Variants in DENND4C observed in about 807,000 individuals in gnomAD.
DENND4C encodes DENN domain containing 4C.
Under a neutral mutation model 203.0 loss-of-function variants are expected in DENND4C, and 108 were observed. The ratio of observed to expected loss-of-function variants is 0.53; its 90% CI spans 0.46 to 0.62. The LOEUF (loss-of-function observed/expected upper bound fraction) is 0.62, where lower values mean the gene tolerates loss of function less well. Among genes scored for constraint, DENND4C ranks in the 20% least tolerant of loss-of-function variants. The probability of loss-of-function intolerance (pLI) is 0.00; values close to 1 mark genes in which losing one functional copy is unlikely to be tolerated. For synonymous variants in DENND4C, 871 were observed against 792.4 expected (o/e 1.10, Z -1.67); for missense variants, 2,481 against 2,301.2 (o/e 1.08, Z -1.60).
At chr9:19,311,004 C>T (rs544737830) in intron 10 of DENND4C, among the ~76,000 whole-genome samples, 33 of 152,158 alleles carry the variant, frequency 2.2e-4, no homozygotes, top group African/African-American at 4.1e-4. Flanking sequence ...TTTTTAGTTG[C>T]GGACCATACT....
At position 19,269,686 on chromosome 9, in the gene DENND4C, T is replaced by C. The variant is rs886373038; in HGVS notation, c.-17-6472T>C. 1.4e-4 allele frequency among the ~76,000 whole-genome samples: 22 copies of C among 152,338 alleles called. 2 individuals carry two copies. The highest frequency in any genetic ancestry group is 4.6e-4 in the Admixed American group (7 of 15,298). On this transcript the variant is annotated intron_variant, in intron 1 of 32. Transcript: ENST00000434457. ...TATCTTGAATTTCATTGAGCTTCTT[T>C]AAAACAGCTATTTTGACTTTGTCTG...
chr9:19,300,635 G>C (rs1838367529), intron 9 of DENND4C, among the ~76,000 whole-genome samples: 1 of 152,202 alleles, frequency 6.6e-6, no homozygotes. Context: ...GAAGCTGGTT[G>C]TATTGAGAGG....
chr9:19,299,935 C>G (rs1838214147), intron 8 of DENND4C, among the ~76,000 whole-genome samples: 1 of 152,218 alleles, frequency 6.6e-6, no homozygotes, highest in African/African-American at 2.4e-5. Context: ...CCATCCTTGT[C>G]TCCATTCTTC....
Position 19,361,899 on chromosome 9 carries a change from A to G in DENND4C, c.5460A>G (p.Leu1820=). Reference sequence around the variant, plus strand: ...GCAAACTTGTGTATATTCAGCTGTTATGGGATAATATCAACCTTCATCAGG... The same window carrying G: ...GCAAACTTGTGTATATTCAGCTGTTGTGGGATAATATCAACCTTCATCAGG... ...QDSKLVYIQL[L]WDNINLHQEP... Residue 1820 remains leucine, a synonymous_variant, in exon 30 of 33, where the codon TTA becomes TTG. Transcript: ENST00000434457. 6.2e-7 allele frequency: 1 copy of G among 1,613,034 alleles called. No homozygotes were observed. Among genetic ancestry groups the G allele is most frequent in the Non-Finnish European group, 8.5e-7 (1 of 1,179,064 alleles).
intron 15 of DENND4C, 111 bp from the exon 16 acceptor site, chr9:19,327,919 A>G (rs1818164614): frequency 9.7e-7 from 1 of 1,028,650 alleles, no homozygotes; most frequent in Non-Finnish European, 1.4e-6. Context: ...ATAAGCATTT[A>G]AAATAATGTT....
intron 31 of DENND4C, 119 bp downstream of exon 31, chr9:19,370,106 T>C: frequency 2.5e-6 from 3 of 1,213,890 alleles, no homozygotes; most frequent in Non-Finnish European, 3.6e-6. Flanking sequence ...GCAAAACATC[T>C]ATTGTTTTAA....
upstream of DENND4C, chr9:19,230,649 G>A (rs893763437): frequency 6.6e-6 from 1 of 152,184 alleles, no homozygotes; most frequent in Non-Finnish European, 1.5e-5. Context: ...CCTGGCTGTA[G>A]GCGGCGCCCC....
chr9:19,332,568 T>G (rs1409064953), intron 17 of DENND4C, among the ~76,000 whole-genome samples: 1 of 150,254 alleles, frequency 6.7e-6, no homozygotes, highest in African/African-American at 2.5e-5. Flanking sequence ...TCTCACCGTG[T>G]TGGCCAGGCT....
rs147070937 is a variant in DENND4C at position 19,297,546 on chromosome 9, C to G, written c.1041-510C>G. Reference sequence around the variant, plus strand: ...TTGTGATAAAATCAATGTATATAATCAATATTTTTTTCAGTTGAAGTAATA... The same window carrying G: ...TTGTGATAAAATCAATGTATATAATGAATATTTTTTTCAGTTGAAGTAATA... On this transcript the variant is annotated intron_variant, in intron 6 of 32. Transcript: ENST00000434457. Among the ~76,000 whole-genome samples, 147 of 152,166 alleles carry G rather than the reference C, an allele frequency of 9.7e-4. 1 individual carries two copies. Among genetic ancestry groups the G allele is most frequent in the African/African-American group, 3.3e-3 (135 of 41,530 alleles).
At chr9:19,278,080 T>C (rs980175259) in intron 2 of DENND4C, among the ~76,000 whole-genome samples, 1 of 144,838 alleles carries the variant, frequency 6.9e-6, no homozygotes, top group Non-Finnish European at 1.5e-5. Flanking sequence ...TTTTCTTTTT[T>C]TTTTTTTTTT....
intron 5 of DENND4C, 66 bp downstream of exon 5, chr9:19,290,942 C>A: frequency 1.4e-6 from 2 of 1,454,588 alleles, no homozygotes; most frequent in Non-Finnish European, 1.9e-6. Context: ...AAGGTTAATA[C>A]AAGTTTTATT....
At chr9:19,299,785 T>G (rs1277565065) in intron 8 of DENND4C, among the ~76,000 whole-genome samples, 1 of 152,212 alleles carries the variant, frequency 6.6e-6, no homozygotes, top group Non-Finnish European at 1.5e-5. Flanking sequence ...ATATTTCAAT[T>G]TCAGCCTAAT....
chr9:19,282,597 C>G (rs1834305959), intron 2 of DENND4C, among the ~76,000 whole-genome samples: 1 of 149,108 alleles, frequency 6.7e-6, no homozygotes, highest in Non-Finnish European at 1.5e-5. Context: ...TGCCTTGTTG[C>G]CCAGGCTGGC....
At chr9:19,305,948 G>A (rs947901152) in intron 10 of DENND4C, among the ~76,000 whole-genome samples, 1 of 152,212 alleles carries the variant, frequency 6.6e-6, no homozygotes, top group African/African-American at 2.4e-5. Flanking sequence ...CATTTGCTTA[G>A]TTGTCGGGAT....
At chr9:19,361,193 C>T (rs777765871) in intron 29 of DENND4C, among the ~76,000 whole-genome samples, 1 of 152,122 alleles carries the variant, frequency 6.6e-6, no homozygotes, top group Non-Finnish European at 1.5e-5. Flanking sequence ...GTTCTGTTCC[C>T]AGCTGCAATT....
intron 1 of DENND4C, among the ~76,000 whole-genome samples, chr9:19,251,248 C>T (rs904913289): frequency 7.9e-5 from 12 of 152,260 alleles, no homozygotes; most frequent in Non-Finnish European, 1.6e-4. Context: ...AGGCTTGGGG[C>T]TTGCACCCTC....
intron 10 of DENND4C, among the ~76,000 whole-genome samples, chr9:19,305,931 A>G (rs562454178): frequency 1.2e-4 from 19 of 152,322 alleles, no homozygotes; most frequent in African/African-American, 4.1e-4. Flanking sequence ...ATAGGGTGAT[A>G]TTATACCATT....
At chr9:19,352,291 A>T in intron 25 of DENND4C, 109 bp downstream of exon 25, 5 of 1,143,022 alleles carry the variant, frequency 4.4e-6, no homozygotes, top group Non-Finnish European at 4.9e-6. Flanking sequence ...ATAATAAAAT[A>T]AGTCATTTTG....
chr9:19,315,352 A>G (rs997084868), intron 10 of DENND4C, among the ~76,000 whole-genome samples: 1 of 151,866 alleles, frequency 6.6e-6, no homozygotes, highest in African/African-American at 2.4e-5. Flanking sequence ...TGGGTTTTCA[A>G]CCCGTGAAGA....
Sources: gnomAD v4.1 joint callset for allele counts (sites outside exome capture counted in the v4.1 genomes callset) on GRCh38, gnomAD v4.1.1 for gene constraint, MANE v1.5 for transcripts, NCBI Gene and HGNC (gene_info 2026-07-23, HGNC 2026-07-21) for gene names.